ANXA13: variants seen among roughly 807,000 people sequenced by gnomAD.
The protein encoded by ANXA13 is annexin XIII.
In ANXA13, 36 loss-of-function variants were observed where a neutral mutation model predicts 46.6. That is an observed-to-expected ratio of 0.77 (90% CI 0.59 to 1.02). ANXA13 has a LOEUF of 1.02. Among genes scored for constraint, ANXA13 ranks in the 50% least tolerant of loss-of-function variants. ANXA13 has a pLI of 0.00. For missense variants in ANXA13, 417 were observed against 396.5 expected (o/e 1.05, Z -0.44); for synonymous variants, 163 against 152.9 (o/e 1.07, Z -0.49).
chr8:123,708,555 T>C (rs1028056166), intron 2 of ANXA13, among the ~76,000 whole-genome samples: 1 of 152,138 alleles, frequency 6.6e-6, no homozygotes, highest in Non-Finnish European at 1.5e-5. Flanking sequence ...CATTTCTCCT[T>C]TGGAAATGGG....
intron 8 of ANXA13, 142 bp from the exon 9 acceptor site, chr8:123,689,088 T>A: frequency 2.7e-6 from 2 of 737,382 alleles, no homozygotes; most frequent in Non-Finnish European, 4.6e-6. Flanking sequence ...GACTCTTGCC[T>A]TGTAGGATTG....
At chr8:123,684,847 G>C in intron 9 of ANXA13, 125 bp from the exon 10 acceptor site, 1 of 676,638 alleles carries the variant, frequency 1.5e-6, no homozygotes, top group South Asian at 1.8e-5. Context: ...GGTGTGAAAA[G>C]AGCTGACTTG....
intron 8 of ANXA13, 126 bp downstream of exon 8, chr8:123,693,071 C>T (rs1310684765): frequency 1.4e-5 from 11 of 783,760 alleles, no homozygotes; most frequent in African/African-American, 5.2e-5. Context: ...GTAGGAAAAT[C>T]GCCTCCAATT....
chr8:123,693,332 CT>C (rs1813275408), intron 7 of ANXA13, 34 bp from the exon 8 acceptor site: 1 of 1,593,762 alleles, frequency 6.3e-7, no homozygotes, highest in South Asian at 1.1e-5. Context: ...TTGAAAAAGG[CT>C]TTTGTGAAAA....
chr8:123,715,602 T>A (rs1314604657), intron 1 of ANXA13, among the ~76,000 whole-genome samples: 2 of 152,256 alleles, frequency 1.3e-5, no homozygotes, highest in Non-Finnish European at 2.9e-5. Context: ...GTGTGGGTTA[T>A]GCCCTGCCTG....
intron 2 of ANXA13, among the ~76,000 whole-genome samples, chr8:123,709,695 T>G (rs1813617651): frequency 1.3e-5 from 2 of 152,194 alleles, no homozygotes; most frequent in Admixed American, 6.5e-5. Flanking sequence ...TCCCAACTCC[T>G]GCAGACTTGT....
intron 1 of ANXA13, chr8:123,728,060 C>T (rs1188199068): frequency 6.6e-6 from 1 of 152,188 alleles, no homozygotes; most frequent in African/African-American, 2.4e-5. Context: ...GTGAACATCC[C>T]AGCCTATACC....
chr8:123,698,595 C>T, intron 3 of ANXA13, 36 bp from the exon 4 acceptor site: 1 of 1,605,734 alleles, frequency 6.2e-7, no homozygotes, highest in Admixed American at 1.7e-5. Context: ...CTGGGAATGG[C>T]CCAGGAGGAG....
intron 1 of ANXA13, among the ~76,000 whole-genome samples, chr8:123,716,741 T>C (rs1289717210): frequency 6.6e-6 from 1 of 152,120 alleles, no homozygotes; most frequent in Non-Finnish European, 1.5e-5. Flanking sequence ...CTCGGGAATG[T>C]AGATGGAGCG....
At chr8:123,683,516 T>C (rs1364659726) in intron 10 of ANXA13, among the ~76,000 whole-genome samples, 2 of 147,798 alleles carry the variant, frequency 1.4e-5, no homozygotes, top group Non-Finnish European at 3.0e-5. Context: ...GCCGATGAAA[T>C]GCCACTTCCC....
chr8:123,703,738 T>A (rs182879095), intron 2 of ANXA13, among the ~76,000 whole-genome samples: 6 of 152,244 alleles, frequency 3.9e-5, no homozygotes, highest in African/African-American at 1.4e-4. Flanking sequence ...TTTAGAAGCT[T>A]TTTTACCCCT....
intron 10 of ANXA13, among the ~76,000 whole-genome samples, chr8:123,682,965 T>A (rs1813065943): frequency 6.6e-6 from 1 of 152,160 alleles, no homozygotes; most frequent in African/African-American, 2.4e-5. Context: ...ATGGATCCAG[T>A]CTCTCTGGGG....
intron 8 of ANXA13, among the ~76,000 whole-genome samples, chr8:123,692,217 C>G (rs1047549751): frequency 1.3e-5 from 2 of 152,206 alleles, no homozygotes; most frequent in African/African-American, 4.8e-5. Context: ...CTCATCCACT[C>G]TCTGCTACCA....
In ANXA13 at chr8:123,681,279, G is replaced by C. The variant is rs750855704; in HGVS notation, c.912C>G (p.Ser304=). Residue 304 remains serine, a synonymous_variant, in exon 11 of 11, where the codon TCC becomes TCG. Coordinates refer to ENST00000419625, the MANE Select transcript of ANXA13 (RefSeq NM_004306.4). ...CTACTAGCAGTTTCCGGAAGTCCCC[G>C]GAGGTATCTGAGCGAACCATGTCAG... ...SLSDMVRSDT[S]GDFRKLLVAL... is the part of the protein sequence containing the mutation. 1.9e-6 allele frequency: 3 copies of C among 1,614,120 alleles called. No individual in the cohort carries two copies. The highest frequency in any genetic ancestry group is 1.7e-6 in the Non-Finnish European group (2 of 1,179,994).
At chr8:123,712,584 G>C (rs1167797236) in intron 2 of ANXA13, 94 bp downstream of exon 2, 8 of 1,086,694 alleles carry the variant, frequency 7.4e-6, no homozygotes, top group Non-Finnish European at 1.1e-5. Context: ...ACAAGATAGT[G>C]AGATGTCAGC....
intron 4 of ANXA13, 98 bp downstream of exon 4, chr8:123,698,291 C>T: frequency 7.4e-7 from 1 of 1,356,520 alleles, no homozygotes; most frequent in South Asian, 1.3e-5. Context: ...CCTGCTCAGT[C>T]CATGGATAGA....
Position 123,681,082 on chromosome 8 carries a change from A to C in ANXA13, c.*158T>G. ...ACGCATCTTAACGTTACTGCCCTTA[A>C]CTTACACAGCTTGGCCTGGCTGCGC... On this transcript the variant is annotated 3_prime_UTR_variant, in exon 11 of 11. Coordinates refer to ENST00000419625, the MANE Select transcript of ANXA13 (RefSeq NM_004306.4). 1 of 1,044,620 alleles carries C rather than the reference A, an allele frequency of 9.6e-7. No homozygotes were observed. The highest frequency in any genetic ancestry group is 2.5e-5 in the East Asian group (1 of 40,422). The allele number at this position is 1,044,620 out of a possible 1,614,324, so 64.7% of individuals were successfully genotyped here. A position where few individuals can be genotyped will look rare whatever the true frequency, so the allele number is the denominator to read the frequency against.
chr8:123,729,896 A>G (rs1814079710), intron 1 of ANXA13, among the ~76,000 whole-genome samples: 1 of 152,112 alleles, frequency 6.6e-6, no homozygotes, highest in Non-Finnish European at 1.5e-5. Context: ...GATATCTCAA[A>G]CTCTATAGAT....
At chr8:123,722,597 G>A (rs1813904980) in intron 1 of ANXA13, among the ~76,000 whole-genome samples, 1 of 152,204 alleles carries the variant, frequency 6.6e-6, no homozygotes, top group East Asian at 1.9e-4. Context: ...CCATCTCCCA[G>A]TGAGCAAAGT....
Sources: allele counts gnomAD v4.1 joint callset (sites outside exome capture counted in the v4.1 genomes callset), GRCh38; gene constraint gnomAD v4.1.1; transcripts MANE v1.5; gene names NCBI Gene and HGNC (gene_info 2026-07-23, HGNC 2026-07-21).